EPHA6: variants seen among roughly 807,000 people sequenced by gnomAD.
EPHA6 encodes the protein ephrin type-A receptor 6.
In EPHA6, 50 loss-of-function variants were observed where a neutral mutation model predicts 112.0. The observed-to-expected ratio is 0.45, with a 90% CI of 0.36 to 0.56. EPHA6 has a LOEUF of 0.56. EPHA6 is among the 20% of genes least tolerant of loss of function. The pLI is 0.00. For missense variants in EPHA6, 1,280 were observed against 1,417.4 expected (o/e 0.90, Z 1.56); for synonymous variants, 529 against 490.7 (o/e 1.08, Z -1.03).
chr3:97,379,406 C>CT (rs199706802), intron 5 of EPHA6, among the ~76,000 whole-genome samples: 2,392 of 148,948 alleles, frequency 0.016, 61 homozygotes, highest in African/African-American at 0.052. Flanking sequence ...CTCTGAAAAT[C>CT]TTTTTTTTTT....
chr3:97,197,049 G>A (rs966403337), intron 3 of EPHA6, among the ~76,000 whole-genome samples: 5 of 152,032 alleles, frequency 3.3e-5, no homozygotes, highest in Non-Finnish European at 5.9e-5. Context: ...AGCCAGGCCT[G>A]TATTCTTCCC....
chr3:97,234,809 G>A (rs2078633649), intron 4 of EPHA6, among the ~76,000 whole-genome samples: 1 of 152,022 alleles, frequency 6.6e-6, no homozygotes, highest in South Asian at 2.1e-4. Context: ...GATAGATGAT[G>A]CCCATATTTT....
At chr3:97,667,199 C>G (rs2030220028) in intron 14 of EPHA6, among the ~76,000 whole-genome samples, 1 of 152,150 alleles carries the variant, frequency 6.6e-6, no homozygotes, top group Non-Finnish European at 1.5e-5. Context: ...CATCATATCT[C>G]AAGATGATAA....
At chr3:97,331,695 G>A (rs2082806692) in intron 5 of EPHA6, among the ~76,000 whole-genome samples, 1 of 152,066 alleles carries the variant, frequency 6.6e-6, no homozygotes, top group Non-Finnish European at 1.5e-5. Flanking sequence ...ACTAAACCAG[G>A]AAGAAATTGA....
At chr3:97,630,318 G>C (rs899649226) in intron 13 of EPHA6, among the ~76,000 whole-genome samples, 13 of 151,994 alleles carry the variant, frequency 8.6e-5, no homozygotes, top group Non-Finnish European at 1.8e-4. Flanking sequence ...TTTCAACTGG[G>C]AAGACCACAA....
At chr3:97,649,943 G>C (rs2094095682) in intron 14 of EPHA6, among the ~76,000 whole-genome samples, 1 of 152,098 alleles carries the variant, frequency 6.6e-6, no homozygotes, top group Non-Finnish European at 1.5e-5. Context: ...TCCAGCAAAT[G>C]TTTGATAGAT....
intron 10 of EPHA6, among the ~76,000 whole-genome samples, chr3:97,499,755 G>T (rs78991838): frequency 0.021 from 3,258 of 152,208 alleles, 110 homozygotes; most frequent in African/African-American, 0.071. Flanking sequence ...TGCCCTACCT[G>T]TGTAGGGCAC....
intron 2 of EPHA6, among the ~76,000 whole-genome samples, chr3:96,941,198 C>T (rs917324021): frequency 6.6e-6 from 1 of 152,152 alleles, no homozygotes; most frequent in Non-Finnish European, 1.5e-5. Flanking sequence ...GAGTGTTTTC[C>T]AACTTGGTTC....
chr3:97,480,227 A>ATT (rs201516878), intron 9 of EPHA6, among the ~76,000 whole-genome samples: 23 of 145,494 alleles, frequency 1.6e-4, no homozygotes, highest in African/African-American at 5.4e-4. Flanking sequence ...CTTTCTTTTT[A>ATT]TTTATTTATT....
chr3:96,996,795 A>G (rs973264426), intron 3 of EPHA6, among the ~76,000 whole-genome samples: 3 of 152,094 alleles, frequency 2.0e-5, no homozygotes, highest in Non-Finnish European at 2.9e-5. Flanking sequence ...GGATTTTCAG[A>G]ATGTAAATGG....
rs1020250891 is a variant in EPHA6, at chr3:97,266,791, T to C, written c.1606+22504T>C. The stretch of plus-strand genomic sequence containing the variant: ...CTAGTAAAGGATGATACTAATATAA[T>C]ACAAAGAAAAGTGAGAATCAGGAAT... On this transcript the variant is annotated intron_variant, in intron 5 of 17. Coordinates refer to ENST00000389672, the MANE Select transcript of EPHA6 (RefSeq NM_001080448.3). Among the ~76,000 whole-genome samples, 3 of 132,270 alleles carry C rather than the reference T, an allele frequency of 2.3e-5. No individual in the cohort carries two copies. In the East Asian group the frequency reaches 6.3e-4, roughly 28 times the overall value. The allele number at this position is 132,270 out of a possible 152,430, so 86.8% of individuals were successfully genotyped here. A position where few individuals can be genotyped will look rare whatever the true frequency, so the allele number is the denominator to read the frequency against.
chr3:97,641,890 C>G (rs372386873), intron 14 of EPHA6, among the ~76,000 whole-genome samples: 1 of 151,732 alleles, frequency 6.6e-6, no homozygotes, highest in Non-Finnish European at 1.5e-5. Context: ...CCCAGGCTTG[C>G]TTAGGTAAAC....
chr3:97,020,877 A>T (rs2044434013), intron 3 of EPHA6, among the ~76,000 whole-genome samples: 1 of 152,102 alleles, frequency 6.6e-6, no homozygotes, highest in Non-Finnish European at 1.5e-5. Flanking sequence ...GGAGTTATTT[A>T]TATCCTACTG....
At chr3:97,649,432 C>G (rs1007272753) in intron 14 of EPHA6, among the ~76,000 whole-genome samples, 4 of 151,970 alleles carry the variant, frequency 2.6e-5, no homozygotes, top group Non-Finnish European at 5.9e-5. Flanking sequence ...ATATAATCTA[C>G]TAACATAGAA....
intron 3 of EPHA6, among the ~76,000 whole-genome samples, chr3:97,176,773 A>T (rs559112964): frequency 6.7e-6 from 1 of 149,934 alleles, no homozygotes; most frequent in South Asian, 2.1e-4. Context: ...ATTTATTTGG[A>T]TCTTCTCTTT....
intron 3 of EPHA6, among the ~76,000 whole-genome samples, chr3:97,004,458 A>G (rs576781162): frequency 6.6e-5 from 10 of 151,852 alleles, no homozygotes; most frequent in African/African-American, 1.7e-4. Flanking sequence ...AGAAGTGTCT[A>G]TGTCCTATGC....
At chr3:96,897,132 T>G (rs1166279524) in intron 2 of EPHA6, among the ~76,000 whole-genome samples, 1 of 152,044 alleles carries the variant, frequency 6.6e-6, no homozygotes, top group Non-Finnish European at 1.5e-5. Context: ...CCAATTATAT[T>G]TTTATTTTAT....
At chr3:97,542,492 CATT>C (rs1484623363) in intron 11 of EPHA6, among the ~76,000 whole-genome samples, 1 of 152,102 alleles carries the variant, frequency 6.6e-6, no homozygotes, top group Non-Finnish European at 1.5e-5. Context: ...TCCAGTCTAT[CATT>C]GTTGGACATT....
chr3:97,257,646 T>C (rs767263749), intron 5 of EPHA6, among the ~76,000 whole-genome samples: 13 of 152,038 alleles, frequency 8.6e-5, no homozygotes, highest in Admixed American at 2.0e-4. Context: ...AAAATTATTA[T>C]ACTCTTTAAA....
Sources: gnomAD v4.1 joint callset for allele counts (sites outside exome capture counted in the v4.1 genomes callset) on GRCh38, gnomAD v4.1.1 for gene constraint, MANE v1.5 for transcripts, NCBI Gene and HGNC (gene_info 2026-07-23, HGNC 2026-07-21) for gene names.